Variants in TEX48 observed in about 807,000 individuals in gnomAD.
TEX48 encodes the protein testis expressed 48, also known as testis-expressed protein 48.
In TEX48, 10 loss-of-function variants were observed where a neutral mutation model predicts 13.2. The observed-to-expected ratio is 0.75, with a 90% CI of 0.47 to 1.28. The LOEUF (loss-of-function observed/expected upper bound fraction) is 1.28, where lower values mean the gene tolerates loss of function less well. TEX48 is among the 50% of genes most tolerant of loss of function. The probability of loss-of-function intolerance (pLI) is 0.00; values close to 1 mark genes in which losing one functional copy is unlikely to be tolerated. For synonymous variants in TEX48, 45 were observed against 52.3 expected (o/e 0.86, Z 0.60); for missense variants, 116 against 139.4 (o/e 0.83, Z 0.84).
At chr9:114,680,409 G>C (rs962053030) in intron 1 of TEX48, among the ~76,000 whole-genome samples, 9 of 152,146 alleles carry the variant, frequency 5.9e-5, no homozygotes, top group African/African-American at 1.7e-4. Context: ...TTACAGGCGT[G>C]AGCCACTGTG....
chr9:114,681,187 G>A (rs976405670), intron 1 of TEX48, among the ~76,000 whole-genome samples: 13 of 151,886 alleles, frequency 8.6e-5, no homozygotes, highest in Non-Finnish European at 1.6e-4. Context: ...AAAATAAACC[G>A]TGGAGATCGT....
intron 3 of TEX48, among the ~76,000 whole-genome samples, chr9:114,670,417 C>T (rs980628323): frequency 4.6e-5 from 7 of 152,048 alleles, no homozygotes; most frequent in Non-Finnish European, 1.0e-4. Flanking sequence ...GACTCTGCCA[C>T]GTTCCTGGCC....
At chr9:114,678,743 G>A (rs1828125013) in intron 1 of TEX48, among the ~76,000 whole-genome samples, 1 of 151,096 alleles carries the variant, frequency 6.6e-6, no homozygotes. Flanking sequence ...CTCAGAGGCT[G>A]AGGAGAGAGT....
intron 1 of TEX48, among the ~76,000 whole-genome samples, chr9:114,677,056 C>T (rs1175720435): frequency 6.6e-6 from 1 of 152,200 alleles, no homozygotes; most frequent in Non-Finnish European, 1.5e-5. Context: ...TTCCTCCCTT[C>T]CACTAACTGA....
At chr9:114,679,267 A>AGAAATC (rs1828139130) in intron 1 of TEX48, among the ~76,000 whole-genome samples, 1 of 150,204 alleles carries the variant, frequency 6.7e-6, no homozygotes, top group African/African-American at 2.5e-5. Context: ...AATGTTAACT[A>AGAAATC]GAAATCGAGA....
At chr9:114,669,011 A>T (rs569749322) in intron 3 of TEX48, among the ~76,000 whole-genome samples, 2 of 150,962 alleles carry the variant, frequency 1.3e-5, no homozygotes, top group South Asian at 2.1e-4. Context: ...TAATTTTTAA[A>T]TTTTTTTTTG....
At chr9:114,666,981 A>G (rs752055469) in intron 4 of TEX48, among the ~76,000 whole-genome samples, 3 of 152,188 alleles carry the variant, frequency 2.0e-5, no homozygotes, top group Non-Finnish European at 4.4e-5. Flanking sequence ...CTGTCTTGCA[A>G]AGCACAGTGA....
chr9:114,681,322 T>G (rs189877567), intron 1 of TEX48, among the ~76,000 whole-genome samples: 1 of 152,278 alleles, frequency 6.6e-6, no homozygotes, highest in African/African-American at 2.4e-5. Flanking sequence ...CTCTAAGTGT[T>G]GACAGCAGAG....
At chr9:114,673,293 A>G (rs1354079451) in intron 1 of TEX48, among the ~76,000 whole-genome samples, 1 of 151,940 alleles carries the variant, frequency 6.6e-6, no homozygotes, top group African/African-American at 2.4e-5. Flanking sequence ...ACCAACATGG[A>G]GAAACCCCGT....
At chr9:114,680,759 C>A (rs986404141) in intron 1 of TEX48, among the ~76,000 whole-genome samples, 2 of 152,178 alleles carry the variant, frequency 1.3e-5, no homozygotes, top group Non-Finnish European at 2.9e-5. Flanking sequence ...CCTGTAACCA[C>A]GGTAACAACG....
chr9:114,668,054 G>T (rs910010914), intron 4 of TEX48, among the ~76,000 whole-genome samples, 152 bp downstream of exon 4: 2 of 152,084 alleles, frequency 1.3e-5, no homozygotes, highest in African/African-American at 4.8e-5. Context: ...GGTCTCCCCA[G>T]TGTGCTCTGG....
At position 114,671,386 on chromosome 9, in the gene TEX48, G is replaced by T; in HGVS notation, c.124C>A (p.Gln42Lys). Residue 42 changes from glutamine (Q) to lysine (K), a missense_variant, in exon 3 of 5, where the codon CAA (glutamine) becomes AAA (lysine). Transcript: ENST00000436752. ...AGTGTCCTTATCTGATACCTACTTT[G>T]GGTCGATGGCTTGTGCTCCTGGGTT... The part of the protein sequence containing the change: ...SQTQEHKPST[Q>K]NLLLQKDELD... 1.3e-6 allele frequency: 2 copies of T among 1,535,276 alleles called. No individual in the cohort carries two copies. The highest frequency in any genetic ancestry group is 1.4e-5 in the African/African-American group (1 of 73,124).
chr9:114,676,908 G>A (rs1033663345), intron 1 of TEX48, among the ~76,000 whole-genome samples: 8 of 152,146 alleles, frequency 5.3e-5, no homozygotes, highest in African/African-American at 9.7e-5. Context: ...GAGCCACCGC[G>A]CCTGGCCTTT....
chr9:114,667,024 C>G lies in TEX48; in HGVS notation c.260-278G>C, dbSNP rs553546194. Among the ~76,000 whole-genome samples, 6 of 152,314 alleles carry G rather than the reference C, an allele frequency of 3.9e-5. No individual in the cohort carries two copies. The South Asian group carries it at 8.3e-4, about 21-fold the overall frequency. On this transcript the variant is annotated intron_variant, in intron 4 of 4. Transcript: ENST00000436752. ...GGTAGGAGACTTGGGCCCATCCTGGCTCTGACACTTACGTCATTCCCTAGT... is the reference window on the plus strand; with the variant it reads ...GGTAGGAGACTTGGGCCCATCCTGGGTCTGACACTTACGTCATTCCCTAGT...
At chr9:114,674,467 C>G (rs1358122407) in intron 1 of TEX48, among the ~76,000 whole-genome samples, 1 of 152,128 alleles carries the variant, frequency 6.6e-6, no homozygotes, top group Non-Finnish European at 1.5e-5. Flanking sequence ...TTATAACCCC[C>G]TTGCCCAGCA....
At position 114,676,717 on chromosome 9, in the gene TEX48, C is replaced by T. The variant is rs888589567; in HGVS notation, c.-104-4890G>A. On this transcript the variant is annotated intron_variant, in intron 1 of 4. Transcript: ENST00000436752. The stretch of plus-strand genomic sequence containing the variant: ...CTTCGTGCTCCGCCTCCCGGGTTCA[C>T]GCCATTCTCCTGCCTCAGCCTCCCG... Among the ~76,000 whole-genome samples, 70 of 150,968 alleles carry T rather than the reference C, an allele frequency of 4.6e-4. 1 individual carries two copies. Among genetic ancestry groups the T allele is most frequent in the African/African-American group, 1.7e-3 (69 of 40,994 alleles).
intron 1 of TEX48, among the ~76,000 whole-genome samples, chr9:114,681,518 A>G (rs561431130): frequency 7.9e-5 from 12 of 152,320 alleles, no homozygotes; most frequent in Middle Eastern, 3.4e-3. Context: ...GAATAATAGT[A>G]TCTACAATAG....
intron 3 of TEX48, 79 bp downstream of exon 3, chr9:114,671,304 T>TG (rs1207916435): frequency 8.1e-6 from 12 of 1,487,486 alleles, no homozygotes; most frequent in Non-Finnish European, 9.0e-7. Flanking sequence ...GAAGGCAGTT[T>TG]GGGGGTATCC....
At chr9:114,670,392 C>T (rs1319584777) in intron 3 of TEX48, among the ~76,000 whole-genome samples, 4 of 152,156 alleles carry the variant, frequency 2.6e-5, no homozygotes, top group African/African-American at 9.7e-5. Context: ...ATTGTATTAT[C>T]CTGTCTCTCA....
Sources: gnomAD v4.1 joint callset for allele counts (sites outside exome capture counted in the v4.1 genomes callset) on GRCh38, gnomAD v4.1.1 for gene constraint, MANE v1.5 for transcripts, NCBI Gene and HGNC (gene_info 2026-07-23, HGNC 2026-07-21) for gene names.